The following UNC80 variants were observed in gnomAD, a reference collection of about 807,000 sequenced individuals.
UNC80 encodes the protein protein unc-80 homolog.
UNC80 carries 164 observed loss-of-function variants against 384.6 expected under a neutral mutation model. That is an observed-to-expected ratio of 0.43 (90% CI 0.38 to 0.49). The LOEUF (loss-of-function observed/expected upper bound fraction) is 0.49, where lower values mean the gene tolerates loss of function less well. UNC80 is among the 20% of genes least tolerant of loss of function. The pLI, the probability that UNC80 is intolerant of heterozygous loss-of-function variation, is 0.00. For synonymous variants in UNC80, 1,486 were observed against 1,527.8 expected, an observed-to-expected ratio of 0.97 and a Z score of 0.64; for missense variants, 3,330 against 4,143.0, an observed-to-expected ratio of 0.80 and a Z score of 5.39.
intron 4 of UNC80, among the ~76,000 whole-genome samples, chr2:209,778,206 C>T (rs1363070809): frequency 6.6e-6 from 1 of 152,084 alleles, no homozygotes; most frequent in Admixed American, 6.5e-5. Context: ...AGTTCCAGGC[C>T]AGCCTGGCCA....
chr2:209,969,380 G>A, intron 52 of UNC80: 1 of 172,970 alleles, frequency 5.8e-6, no homozygotes, highest in Non-Finnish European at 1.2e-5. Flanking sequence ...AAACTGATGG[G>A]CGTGTGTAAT....
chr2:209,834,243 T>G, intron 17 of UNC80, 75 bp downstream of exon 17: 1 of 1,460,642 alleles, frequency 6.8e-7, no homozygotes, highest in Non-Finnish European at 9.3e-7. Context: ...ACTGTTTGTG[T>G]GGTTCCTGTG....
intron 9 of UNC80, among the ~76,000 whole-genome samples, chr2:209,816,396 G>A (rs922601579): frequency 3.9e-5 from 6 of 152,098 alleles, no homozygotes; most frequent in African/African-American, 1.2e-4. Context: ...CTCTTCTTAC[G>A]AACAGTGGCG....
chr2:209,874,487 C>T (rs988105591), intron 23 of UNC80, among the ~76,000 whole-genome samples: 1 of 152,204 alleles, frequency 6.6e-6, no homozygotes, highest in South Asian at 2.1e-4. Flanking sequence ...TGTTTTCAGG[C>T]CAAGAGTCTT....
intron 51 of UNC80, among the ~76,000 whole-genome samples, chr2:209,963,726 C>G (rs1467824535): frequency 6.6e-6 from 1 of 152,098 alleles, no homozygotes; most frequent in Non-Finnish European, 1.5e-5. Flanking sequence ...TTAAAACACC[C>G]ACATTCACAC....
intron 31 of UNC80, among the ~76,000 whole-genome samples, chr2:209,916,433 G>A (rs917948123): frequency 6.6e-6 from 1 of 152,172 alleles, no homozygotes; most frequent in Non-Finnish European, 1.5e-5. Flanking sequence ...CTGAGGATTC[G>A]TGAGCATTAC....
chr2:209,868,584 T>TA (rs1426886582), intron 22 of UNC80, among the ~76,000 whole-genome samples: 1 of 152,164 alleles, frequency 6.6e-6, no homozygotes, highest in Non-Finnish European at 1.5e-5. Context: ...AAGTATTCAA[T>TA]ATACATAATG....
chr2:209,862,456 T>C (rs1300688303), intron 22 of UNC80, among the ~76,000 whole-genome samples: 1 of 152,158 alleles, frequency 6.6e-6, no homozygotes, highest in African/African-American at 2.4e-5. Context: ...TTTGAGAGTT[T>C]AGTCTCTTTG....
chr2:209,974,464 A>G (rs1371286587), intron 56 of UNC80, among the ~76,000 whole-genome samples: 1 of 152,210 alleles, frequency 6.6e-6, no homozygotes. Flanking sequence ...ATATGAGAAG[A>G]CACTTGATGA....
chr2:209,933,583 T>C (rs1204471576), intron 38 of UNC80, among the ~76,000 whole-genome samples: 3 of 148,730 alleles, frequency 2.0e-5, no homozygotes, highest in African/African-American at 7.4e-5. Flanking sequence ...GGGGGAATGA[T>C]CTGCTTTTTT....
intron 36 of UNC80, among the ~76,000 whole-genome samples, chr2:209,927,514 A>G (rs2090527347): frequency 6.6e-6 from 1 of 152,262 alleles, no homozygotes; most frequent in African/African-American, 2.4e-5. Flanking sequence ...AAAACTGGGC[A>G]AAGGATATCA....
At chr2:209,793,985 T>TATG in intron 7 of UNC80, 126 bp downstream of exon 7, 1 of 1,133,012 alleles carries the variant, frequency 8.8e-7, no homozygotes, top group Non-Finnish European at 1.2e-6. Context: ...GTATACATAT[T>TATG]CTTGGTCAAA....
At chr2:209,929,240 T>C (rs2090662212) in intron 36 of UNC80, among the ~76,000 whole-genome samples, 1 of 152,186 alleles carries the variant, frequency 6.6e-6, no homozygotes, top group Non-Finnish European at 1.5e-5. Flanking sequence ...GCCCTGTTTT[T>C]TACCCACTTG....
At position 209,896,372 on chromosome 2, in the gene UNC80, G is replaced by A. The variant is rs943426482; in HGVS notation, c.4540G>A (p.Gly1514Ser). ...TGAGCCAGAGGGAATGAGTAATGCC[G>A]GCGCGGAGGAGAATTACCACAGAAA... ...SIEPEGMSNA[G>S]AEENYHRNMS... Residue 1514 changes from glycine (G) to serine (S), a missense_variant, in exon 28 of 65, where the codon GGC becomes AGC. Around this residue, in one of 8 missense-constraint regions of UNC80, gnomAD observed 801 missense variants for 950.8 expected, o/e 0.84. Transcript: ENST00000673920. 2.7e-5 allele frequency: 42 copies of A among 1,551,540 alleles called. No individual in the cohort carries two copies. In the African/African-American group the frequency reaches 4.1e-4, roughly 15 times the overall value.
chr2:209,813,261 C>T (rs188730358), intron 7 of UNC80, among the ~76,000 whole-genome samples: 11 of 152,188 alleles, frequency 7.2e-5, no homozygotes, highest in Non-Finnish European at 1.0e-4. Context: ...CCTTCAAACT[C>T]GTGGTTTTTA....
rs542605754 is a variant in UNC80 at position 209,994,012 on chromosome 2, C to T, written c.9509-53C>T. ...GTTAATACCAACTATTAAGCATTGACGGTCCGTTTCCACCAACTCCTCCCC... is the reference window on the plus strand; with the variant it reads ...GTTAATACCAACTATTAAGCATTGATGGTCCGTTTCCACCAACTCCTCCCC... On this transcript the variant is annotated intron_variant, in intron 63 of 64. Coordinates refer to ENST00000673920, the MANE Select transcript of UNC80 (RefSeq NM_001371986.1). The T allele has an allele frequency of 9.8e-5, 144 of 1,466,726 alleles. No individual in the cohort carries two copies. The East Asian group carries it at 1.1e-3, about 11-fold the overall frequency. 90.9% of individuals were successfully genotyped at this position (1,466,726 alleles called of 1,614,324 possible). A position where few individuals can be genotyped will look rare whatever the true frequency, so the allele number is the denominator to read the frequency against.
intron 7 of UNC80, among the ~76,000 whole-genome samples, chr2:209,810,982 G>T (rs1252841895): frequency 6.6e-6 from 1 of 152,136 alleles, no homozygotes; most frequent in African/African-American, 2.4e-5. Flanking sequence ...AGGTATAAAT[G>T]ATAGGCTGAG....
At chr2:209,866,011 T>C (rs947735426) in intron 22 of UNC80, among the ~76,000 whole-genome samples, 1 of 152,196 alleles carries the variant, frequency 6.6e-6, no homozygotes, top group Admixed American at 6.5e-5. Flanking sequence ...TGTAGTCACT[T>C]TGAATATCTT....
intron 28 of UNC80, among the ~76,000 whole-genome samples, chr2:209,898,170 A>G (rs1041616694): frequency 3.3e-5 from 5 of 151,888 alleles, no homozygotes; most frequent in Non-Finnish European, 7.4e-5. Context: ...ACCCAGAACC[A>G]GATTTTCATT....
Sources: gnomAD v4.1 joint callset for allele counts (sites outside exome capture counted in the v4.1 genomes callset) on GRCh38, gnomAD v4.1.1 for gene constraint, gnomAD v4.1.1 regional missense constraint, MANE v1.5 for transcripts, NCBI Gene and HGNC (gene_info 2026-07-23, HGNC 2026-07-21) for gene names.